Variants in SPOCK3 observed in about 807,000 individuals in gnomAD.
The protein encoded by SPOCK3 is SPARC (osteonectin), cwcv and kazal like domains proteoglycan 3, also known as testican-3.
Under a neutral mutation model 56.6 loss-of-function variants are expected in SPOCK3, and 30 were observed. The observed-to-expected ratio is 0.53, with a 90% confidence interval of 0.40 to 0.72. The LOEUF (loss-of-function observed/expected upper bound fraction) is 0.72, where lower values mean the gene tolerates loss of function less well. Ranked by LOEUF, SPOCK3 falls within the 30% of genes least tolerant of loss-of-function variation. The pLI is 0.00. For missense variants in SPOCK3, 527 were observed against 530.0 expected (o/e 0.99, Z 0.06); for synonymous variants, 196 against 183.3 (o/e 1.07, Z -0.56).
intron 5 of SPOCK3, among the ~76,000 whole-genome samples, chr4:166,912,165 T>C (rs1325721054): frequency 6.6e-6 from 1 of 152,154 alleles, no homozygotes; most frequent in Non-Finnish European, 1.5e-5. Context: ...CAACTAAATA[T>C]GTGAAACTTG....
At chr4:166,929,915 C>T (rs1025009932) in intron 4 of SPOCK3, among the ~76,000 whole-genome samples, 2 of 151,872 alleles carry the variant, frequency 1.3e-5, no homozygotes, top group African/African-American at 4.9e-5. Flanking sequence ...GTTATAATAA[C>T]TATCATAGCA....
At chr4:166,949,928 G>A (rs577027993) in intron 4 of SPOCK3, among the ~76,000 whole-genome samples, 1 of 151,218 alleles carries the variant, frequency 6.6e-6, no homozygotes, top group Non-Finnish European at 1.5e-5. Context: ...AAGAGCTCCT[G>A]AAGGAAGCAC....
intron 2 of SPOCK3, among the ~76,000 whole-genome samples, chr4:167,176,171 A>T (rs774708469): frequency 1.3e-5 from 2 of 152,012 alleles, no homozygotes; most frequent in Non-Finnish European, 2.9e-5. Context: ...CCCTTTTATC[A>T]TGACCCTTGT....
rs1032744004 is a variant in SPOCK3, at chr4:167,233,861, C to G, written c.189+124G>C. ...AACTTCTCCAGCAGCCCTGCGCCGC[C>G]GCGTTTCCCTAAACCCCTCTCCTCA... On this transcript the variant is annotated intron_variant, in intron 2 of 10. Coordinates refer to ENST00000357545, the MANE Select transcript of SPOCK3 (RefSeq NM_001040159.2). The G allele has an allele frequency of 7.4e-6, 6 of 816,216 alleles. No individual in the cohort carries two copies. In the African/African-American group the frequency reaches 1.0e-4, roughly 14 times the overall value. 50.6% of individuals were successfully genotyped at this position (816,216 alleles called of 1,614,324 possible).
At chr4:167,026,393 A>G (rs1344657) in intron 3 of SPOCK3, among the ~76,000 whole-genome samples, 30,196 of 151,968 alleles carry the variant, frequency 0.2, 3,566 homozygotes, top group African/African-American at 0.33. Flanking sequence ...CAATATCTGA[A>G]AGAAAGTATT....
At chr4:167,021,920 T>G (rs1751224783) in intron 3 of SPOCK3, among the ~76,000 whole-genome samples, 1 of 152,066 alleles carries the variant, frequency 6.6e-6, no homozygotes, top group South Asian at 2.1e-4. Context: ...CGGTGGGTAT[T>G]AAGCTTATAT....
chr4:167,036,568 T>G (rs1325831781), intron 3 of SPOCK3, among the ~76,000 whole-genome samples: 4 of 152,208 alleles, frequency 2.6e-5, no homozygotes, highest in Non-Finnish European at 4.4e-5. Context: ...AGACTTCTGA[T>G]AGAGTAGCTC....
intron 5 of SPOCK3, among the ~76,000 whole-genome samples, chr4:166,907,455 C>A (rs930614994): frequency 6.6e-6 from 1 of 152,080 alleles, no homozygotes; most frequent in African/African-American, 2.4e-5. Flanking sequence ...GAGTTCTTTT[C>A]CTACCTGTGA....
intron 3 of SPOCK3, among the ~76,000 whole-genome samples, chr4:167,037,115 C>T (rs1339209260): frequency 6.6e-6 from 1 of 152,118 alleles, no homozygotes; most frequent in Non-Finnish European, 1.5e-5. Context: ...CTCACTGAGG[C>T]AATGTTGCCA....
intron 2 of SPOCK3, among the ~76,000 whole-genome samples, chr4:167,225,360 G>A (rs960222617): frequency 6.6e-5 from 10 of 152,090 alleles, no homozygotes; most frequent in Admixed American, 6.6e-4. Flanking sequence ...AAAGGAAACA[G>A]CTTGTGAGCA....
intron 2 of SPOCK3, among the ~76,000 whole-genome samples, chr4:167,086,112 T>C (rs1758173181): frequency 6.6e-6 from 1 of 152,072 alleles, no homozygotes; most frequent in Admixed American, 6.6e-5. Context: ...CAAATAAGCT[T>C]TTTAAATGTC....
intron 3 of SPOCK3, among the ~76,000 whole-genome samples, chr4:167,002,254 C>T (rs985526347): frequency 1.1e-4 from 16 of 152,058 alleles, no homozygotes; most frequent in Non-Finnish European, 2.1e-4. Context: ...CCACTGCCCT[C>T]GGCCTGATAA....
chr4:167,219,531 CAATT>C (rs1163051610), intron 2 of SPOCK3, among the ~76,000 whole-genome samples: 4 of 152,112 alleles, frequency 2.6e-5, no homozygotes, highest in Non-Finnish European at 4.4e-5. Context: ...TATCAGAAGA[CAATT>C]AATTAGATTG....
At chr4:166,936,805 C>T (rs1387644686) in intron 4 of SPOCK3, among the ~76,000 whole-genome samples, 2 of 151,864 alleles carry the variant, frequency 1.3e-5, no homozygotes, top group Admixed American at 1.3e-4. Flanking sequence ...AATGATAATT[C>T]TCAACTTTCT....
At chr4:166,942,110 T>C (rs547421866) in intron 4 of SPOCK3, among the ~76,000 whole-genome samples, 1 of 152,254 alleles carries the variant, frequency 6.6e-6, no homozygotes, top group Admixed American at 6.5e-5. Context: ...TGTATCTCCC[T>C]TAGACTTTCT....
At position 166,737,568 on chromosome 4, in the gene SPOCK3, T is replaced by C. The variant is rs767454672; in HGVS notation, c.1031A>G (p.Tyr344Cys). ...ACTGCCATGACATTGTGTTGGCTTG[T>C]AGTAACCATCTTCATCACACAGGGG... Reference protein sequence around the residue: ...YIPLCDEDGYYKPTQCHGSVG... With the variant: ...YIPLCDEDGYCKPTQCHGSVG... The change falls in exon 10 of 11, where the codon TAC becomes TGC. Residue 344 changes from tyrosine (Y) to cysteine (C), a missense_variant. Tyr to Cys is a radical substitution (Grantham distance 194). Transcript: ENST00000357545. 1 of 1,612,906 alleles carries C rather than the reference T, an allele frequency of 6.2e-7. No homozygotes were observed.
chr4:167,116,798 C>T (rs1761440349), intron 2 of SPOCK3, among the ~76,000 whole-genome samples: 3 of 134,774 alleles, frequency 2.2e-5, no homozygotes, highest in Admixed American at 7.7e-5. Context: ...TATATATACA[C>T]ATAAATACAC....
At chr4:167,011,419 A>T (rs1233552992) in intron 3 of SPOCK3, 1 of 302,848 alleles carries the variant, frequency 3.3e-6, no homozygotes, top group Non-Finnish European at 7.0e-6. Context: ...ATGCCCCAGT[A>T]TTCCTCAACC....
chr4:166,858,488 A>G (rs977418123), intron 6 of SPOCK3, among the ~76,000 whole-genome samples: 1 of 152,178 alleles, frequency 6.6e-6, no homozygotes, highest in Admixed American at 6.5e-5. Flanking sequence ...AGTACAGAGT[A>G]AATAGGCTAA....
Sources: allele counts gnomAD v4.1 joint callset (sites outside exome capture counted in the v4.1 genomes callset), GRCh38; gene constraint gnomAD v4.1.1; transcripts MANE v1.5; gene names NCBI Gene and HGNC (gene_info 2026-07-23, HGNC 2026-07-21).